DPYSL2: variants seen among roughly 807,000 people sequenced by gnomAD.
DPYSL2 encodes the protein dihydropyrimidinase like 2.
In DPYSL2, 13 loss-of-function variants were observed where a neutral mutation model predicts 69.9. That is an observed-to-expected ratio of 0.19 (90% CI 0.12 to 0.30). DPYSL2 has a LOEUF of 0.30. DPYSL2 is among the 10% of genes least tolerant of loss of function. DPYSL2 has a pLI of 1.00. For synonymous variants in DPYSL2, 326 were observed against 359.1 expected, an observed-to-expected ratio of 0.91 and a Z score of 1.04; for missense variants, 587 against 918.9, an observed-to-expected ratio of 0.64 and a Z score of 4.67.
In DPYSL2 at chr8:26,535,622, T is replaced by C. The variant is rs1800578336; in HGVS notation, c.354+20943T>C. On this transcript the variant is annotated intron_variant, in intron 1 of 13. Coordinates refer to ENST00000521913, the MANE Select transcript of DPYSL2 (RefSeq NM_001197293.3). ...CGTTTATACAAAACAGACTGATATA[T>C]ATATATATATATATTTTTTTTTTCA... 2.0e-5 allele frequency among the ~76,000 whole-genome samples: 3 copies of C among 149,516 alleles called. No individual in the cohort carries two copies. In the South Asian group the frequency reaches 6.3e-4, roughly 31 times the overall value.
rs113988716 is a variant in DPYSL2, at chr8:26,543,487, C to T, written c.354+28808C>T. ...GAATTGGCTAATTCACTGGCTCTAC[C>T]TTGGTTTTTTTTTTTTTGAGATGGA... On this transcript the variant is annotated intron_variant, in intron 1 of 13. Transcript: ENST00000521913. Among the ~76,000 whole-genome samples, 313 of 144,396 alleles carry T rather than the reference C, an allele frequency of 2.2e-3. 4 individuals are homozygous for T. Among genetic ancestry groups the T allele is most frequent in the African/African-American group, 7.8e-3 (299 of 38,318 alleles). 94.7% of individuals were successfully genotyped at this position (144,396 alleles called of 152,430 possible).
chr8:26,595,050 A>ATCAATCAG (rs1305076720), intron 3 of DPYSL2, among the ~76,000 whole-genome samples: 14 of 143,252 alleles, frequency 9.8e-5, no homozygotes, highest in African/African-American at 3.5e-4. Flanking sequence ...CAATCAATCA[A>ATCAATCAG]TAACTAAAAA....
intron 1 of DPYSL2, among the ~76,000 whole-genome samples, chr8:26,545,841 T>C (rs1352439733): frequency 1.3e-5 from 2 of 152,226 alleles, no homozygotes; most frequent in South Asian, 4.1e-4. Context: ...TTTATGTGTG[T>C]TTCTTTCTGG....
chr8:26,616,784 G>A (rs551885864), intron 3 of DPYSL2, among the ~76,000 whole-genome samples: 1 of 150,970 alleles, frequency 6.6e-6, no homozygotes, highest in Non-Finnish European at 1.5e-5. Context: ...GGATTGGAGG[G>A]CTTGGTGACC....
Position 26,533,430 on chromosome 8 carries a change from C to T in DPYSL2, c.354+18751C>T, listed in dbSNP as rs923838023. Among the ~76,000 whole-genome samples the T allele has an allele frequency of 2.6e-5, 4 of 152,060 alleles. No individual in the cohort carries two copies. Among genetic ancestry groups the T allele is most frequent in the African/African-American group, 4.8e-5 (2 of 41,402 alleles). On this transcript the variant is annotated intron_variant, in intron 1 of 13. Transcript: ENST00000521913. The surrounding 1 kb of genome is among the most constrained non-coding windows in gnomAD (Gnocchi z 4.8). ...GTACTTTTGGTATCCTATTTAAGAGCGTATTTCCTATTCCAAGGTCACAAA... is the reference window on the plus strand; with the variant it reads ...GTACTTTTGGTATCCTATTTAAGAGTGTATTTCCTATTCCAAGGTCACAAA...
At chr8:26,613,016 T>G (rs543450796) in intron 3 of DPYSL2, among the ~76,000 whole-genome samples, 1 of 152,214 alleles carries the variant, frequency 6.6e-6, no homozygotes, top group African/African-American at 2.4e-5. Context: ...AAACACTATG[T>G]CTATGTGAGG....
intron 3 of DPYSL2, among the ~76,000 whole-genome samples, chr8:26,615,251 G>A (rs1317277005): frequency 6.6e-6 from 1 of 152,168 alleles, no homozygotes; most frequent in Admixed American, 6.5e-5. Context: ...GTTTAGAGTC[G>A]TACCAGACAC....
Position 26,626,747 on chromosome 8 carries a change from A to G in DPYSL2, c.855+69A>G. 1 of 1,524,576 alleles carries G rather than the reference A, an allele frequency of 6.6e-7. No homozygotes were observed. Among genetic ancestry groups the G allele is most frequent in the Non-Finnish European group, 9.1e-7 (1 of 1,102,616 alleles). The allele number at this position is 1,524,576 out of a possible 1,614,324, so 94.4% of individuals were successfully genotyped here. On this transcript the variant is annotated intron_variant, in intron 5 of 13. Transcript: ENST00000521913. The surrounding 1 kb of genome is among the most constrained non-coding windows in gnomAD (Gnocchi z 4.3). ...ACCTTCAGGCTGTGGCCGTTTGGGA[A>G]AGCAGTCTCCGATGTATGCATGTTT...
At chr8:26,540,768 G>A (rs554121132) in intron 1 of DPYSL2, among the ~76,000 whole-genome samples, 1 of 152,186 alleles carries the variant, frequency 6.6e-6, no homozygotes, top group African/African-American at 2.4e-5. Flanking sequence ...ACCTAGGCAT[G>A]GTGGCACATG....
At chr8:26,525,793 T>C (rs1292294249) in intron 1 of DPYSL2, among the ~76,000 whole-genome samples, 2 of 152,164 alleles carry the variant, frequency 1.3e-5, no homozygotes, top group Non-Finnish European at 2.9e-5. Context: ...TATCTTTAGT[T>C]TTCGTTTTCC....
At chr8:26,649,011 G>A (rs1428763463) in intron 11 of DPYSL2, among the ~76,000 whole-genome samples, 1 of 152,172 alleles carries the variant, frequency 6.6e-6, no homozygotes, top group Non-Finnish European at 1.5e-5. Context: ...TGTCCTGACT[G>A]GCTATTTTAT....
At chr8:26,576,713 C>CAGT (rs1282480887) in intron 1 of DPYSL2, among the ~76,000 whole-genome samples, 1 of 152,252 alleles carries the variant, frequency 6.6e-6, no homozygotes, top group Non-Finnish European at 1.5e-5. Context: ...AACTCCGATT[C>CAGT]AGTAGGTTTT....
At chr8:26,635,947 T>G (rs190204588) in intron 8 of DPYSL2, among the ~76,000 whole-genome samples, 2 of 152,154 alleles carry the variant, frequency 1.3e-5, no homozygotes, top group Non-Finnish European at 2.9e-5. Context: ...GCTGTGGGAT[T>G]TTTTTCACTG....
At chr8:26,636,232 TA>T (rs1043232853) in intron 8 of DPYSL2, among the ~76,000 whole-genome samples, 1 of 152,192 alleles carries the variant, frequency 6.6e-6, no homozygotes, top group Non-Finnish European at 1.5e-5. Context: ...TTCTAGGAGA[TA>T]TTGTGGATGA....
chr8:26,573,644 G>A (rs1470748073), intron 1 of DPYSL2, among the ~76,000 whole-genome samples: 1 of 146,930 alleles, frequency 6.8e-6, no homozygotes, highest in Non-Finnish European at 1.5e-5. Context: ...CTACAGCCTG[G>A]GGCAACAGAG....
intron 1 of DPYSL2, among the ~76,000 whole-genome samples, chr8:26,522,325 A>G (rs967800200): frequency 6.6e-6 from 1 of 152,016 alleles, no homozygotes; most frequent in African/African-American, 2.4e-5. Context: ...ACAAACAAAC[A>G]AACAAACAAA....
rs549962707 is a variant in DPYSL2, at chr8:26,624,661, A to C, written c.793+354A>C. Among the ~76,000 whole-genome samples the C allele has an allele frequency of 6.6e-6, 1 of 152,168 alleles. No homozygotes were observed. Among genetic ancestry groups the C allele is most frequent in the Non-Finnish European group, 1.5e-5 (1 of 68,030 alleles). On this transcript the variant is annotated intron_variant, in intron 4 of 13. Transcript: ENST00000521913. The surrounding 1 kb of genome is among the most constrained non-coding windows in gnomAD (Gnocchi z 4.7). ...GAGATTTACCCTCAAAAGATAACAA[A>C]TACATATCTCAGTGAGGATTTGACA... is the stretch of plus-strand genomic sequence containing the variant.
intron 1 of DPYSL2, among the ~76,000 whole-genome samples, chr8:26,526,427 A>G (rs925355206): frequency 1.3e-5 from 2 of 152,198 alleles, no homozygotes; most frequent in Non-Finnish European, 2.9e-5. Context: ...AGGTCATGTT[A>G]TTGAACTCAC....
rs1277249116 is a variant in DPYSL2 at position 26,577,778 on chromosome 8, A to AT, written c.355-4188dup. 7 of 990,096 alleles carry AT rather than the reference A, an allele frequency of 7.1e-6. No individual in the cohort carries two copies. The East Asian group carries it at 6.8e-4, about 96-fold the overall frequency. The allele number at this position is 990,096 out of a possible 1,614,324, so 61.3% of individuals were successfully genotyped here. A position where few individuals can be genotyped will look rare whatever the true frequency, so the allele number is the denominator to read the frequency against. On this transcript the variant is annotated intron_variant, in intron 1 of 13. Transcript: ENST00000521913. Reference sequence around the variant, plus strand: ...GCCGCCCCCGGCCGTTCACTGCCGCATTTCGCGCTCTCGCGCCGCGCCCCG... The same window carrying AT: ...GCCGCCCCCGGCCGTTCACTGCCGCATTTTCGCGCTCTCGCGCCGCGCCCCG...
Sources: allele counts gnomAD v4.1 joint callset (sites outside exome capture counted in the v4.1 genomes callset), GRCh38; gene constraint gnomAD v4.1.1; non-coding constraint Gnocchi (gnomAD v3.1); transcripts MANE v1.5; gene names NCBI Gene and HGNC (gene_info 2026-07-23, HGNC 2026-07-21).